The following TG variants were observed in gnomAD, a reference collection of about 807,000 sequenced individuals.
TG encodes thyroglobulin, also known as thyroid hormones.
A neutral mutation model predicts 324.7 loss-of-function variants in TG; 270 were observed. That is an observed-to-expected ratio of 0.83 (90% CI 0.75 to 0.92). The LOEUF is 0.92. Among genes scored for constraint, TG ranks in the 40% least tolerant of loss-of-function variants. TG has a pLI of 0.00. For missense variants in TG, 3,591 were observed against 3,456.4 expected, an observed-to-expected ratio of 1.04 and a Z score of -0.98; for synonymous variants, 1,401 against 1,327.0, an observed-to-expected ratio of 1.06 and a Z score of -1.21.
intron 9 of TG, 26 bp downstream of exon 9, chr8:132,887,574 T>C (rs1815603353): frequency 6.2e-7 from 1 of 1,614,178 alleles, no homozygotes; most frequent in Non-Finnish European, 8.5e-7. Flanking sequence ...ATTCAATCTG[T>C]AGGTTCCCTG....
At chr8:133,062,036 T>A (rs1210614193) in intron 41 of TG, among the ~76,000 whole-genome samples, 1 of 152,234 alleles carries the variant, frequency 6.6e-6, no homozygotes, top group Non-Finnish European at 1.5e-5. Flanking sequence ...ATGACCAGGC[T>A]CGCAAAAGCT....
intron 8 of TG, among the ~76,000 whole-genome samples, chr8:132,885,177 G>GA: frequency 6.6e-6 from 1 of 151,288 alleles, no homozygotes; most frequent in East Asian, 2.0e-4. Flanking sequence ...ATTTTATGGA[G>GA]AAAAATGGAG....
At chr8:132,956,472 C>T (rs546457732) in intron 27 of TG, among the ~76,000 whole-genome samples, 4 of 152,110 alleles carry the variant, frequency 2.6e-5, no homozygotes, top group Non-Finnish European at 5.9e-5. Context: ...AGCTGGAGAG[C>T]TCAGGGAAGC....
chr8:132,942,914 CAG>C (rs1318888120), intron 26 of TG, among the ~76,000 whole-genome samples: 1 of 152,128 alleles, frequency 6.6e-6, no homozygotes, highest in Non-Finnish European at 1.5e-5. Flanking sequence ...GAGCTAGAGA[CAG>C]AGAGACCCCA....
At chr8:133,035,811 C>A (rs541271654) in intron 41 of TG, among the ~76,000 whole-genome samples, 2 of 152,264 alleles carry the variant, frequency 1.3e-5, no homozygotes, top group African/African-American at 4.8e-5. Context: ...TGTCAATAGA[C>A]AATACAATGC....
chr8:132,921,387 G>T (rs1821094568), intron 21 of TG, among the ~76,000 whole-genome samples: 1 of 152,194 alleles, frequency 6.6e-6, no homozygotes, highest in Non-Finnish European at 1.5e-5. Context: ...TCTTCCCTGA[G>T]CAGTGAAAGA....
intron 41 of TG, among the ~76,000 whole-genome samples, chr8:133,066,277 G>T (rs1384173193): frequency 7.3e-6 from 1 of 136,338 alleles, no homozygotes; most frequent in East Asian, 2.2e-4. Context: ...AGTGAGCTGA[G>T]ATCTCGCCAC....
At chr8:132,979,141 G>A (rs560703760) in intron 34 of TG, among the ~76,000 whole-genome samples, 1 of 152,164 alleles carries the variant, frequency 6.6e-6, no homozygotes, top group Non-Finnish European at 1.5e-5. Context: ...CTGAGGGGAG[G>A]AGGGGGTGGT....
At chr8:133,062,332 T>C (rs1277510392) in intron 41 of TG, among the ~76,000 whole-genome samples, 1 of 152,198 alleles carries the variant, frequency 6.6e-6, no homozygotes, top group Non-Finnish European at 1.5e-5. Context: ...AGGGCAGGGA[T>C]ACATTGGCCT....
At chr8:132,899,023 A>G (rs969871959) in intron 14 of TG, 113 bp downstream of exon 14, 1 of 967,742 alleles carries the variant, frequency 1.0e-6, no homozygotes, top group Non-Finnish European at 1.6e-6. Context: ...TGATGTTCTC[A>G]GCCTGGGTGT....
intron 43 of TG, among the ~76,000 whole-genome samples, chr8:133,113,077 T>A (rs571817242): frequency 4.6e-5 from 7 of 152,270 alleles, no homozygotes; most frequent in African/African-American, 1.7e-4. Flanking sequence ...CAAGTGAAAC[T>A]CGGGGGTTTG....
At chr8:133,059,342 G>A (rs925508735) in intron 41 of TG, 1 of 357,032 alleles carries the variant, frequency 2.8e-6, no homozygotes, top group Non-Finnish European at 5.6e-6. Context: ...GGAAATAAAG[G>A]TCAGGCCATT....
chr8:133,057,898 T>C (rs1473175583), intron 41 of TG, among the ~76,000 whole-genome samples: 1 of 152,186 alleles, frequency 6.6e-6, no homozygotes, highest in Non-Finnish European at 1.5e-5. Flanking sequence ...GTGTCCAGGC[T>C]GGCCTCTGGG....
intron 35 of TG, among the ~76,000 whole-genome samples, chr8:132,990,832 G>C (rs1438430352): frequency 6.6e-6 from 1 of 151,728 alleles, no homozygotes; most frequent in Non-Finnish European, 1.5e-5. Context: ...TGTAAACCCA[G>C]AGTCTCCCCG....
At position 132,913,182 on chromosome 8, in the gene TG, C is replaced by T. The variant is rs765157522; in HGVS notation, c.4295C>T (p.Thr1432Ile). Residue 1432 changes from threonine (T) to isoleucine (I), a missense_variant, in exon 20 of 48, where the codon ACC (threonine) becomes ATC (isoleucine). Coordinates refer to ENST00000220616, the MANE Select transcript of TG (RefSeq NM_003235.5). ...IRFLQGDHFGTSPRTWFGCSE... is the reference protein window; with the variant it reads ...IRFLQGDHFGISPRTWFGCSE... ...TTCCTCCAAGGGGACCACTTTGGCA[C>T]CTCTCCCAGGACATGGTTTGGGTGC... 1.2e-5 allele frequency: 20 copies of T among 1,614,042 alleles called. No homozygotes were observed. The highest frequency in any genetic ancestry group is 4.0e-5 in the African/African-American group (3 of 74,914).
intron 43 of TG, among the ~76,000 whole-genome samples, chr8:133,111,238 G>A (rs1250189434): frequency 6.6e-6 from 1 of 152,116 alleles, no homozygotes; most frequent in South Asian, 2.1e-4. Context: ...TCTCTTACCA[G>A]CAGTAAGACC....
chr8:133,050,310 T>C (rs1052084914), intron 41 of TG: 2 of 379,790 alleles, frequency 5.3e-6, no homozygotes, highest in Admixed American at 3.8e-5. Context: ...TGATTTATGC[T>C]CTGCAGTATA....
intron 16 of TG, among the ~76,000 whole-genome samples, chr8:132,906,283 G>A (rs853320): frequency 0.48 from 73,514 of 151,870 alleles, 21,107 homozygotes; most frequent in Non-Finnish European, 0.62. Flanking sequence ...TGGGATGGCT[G>A]GGTGGCTGGT....
chr8:133,104,381 G>C (rs953022332), intron 43 of TG, among the ~76,000 whole-genome samples: 1 of 152,222 alleles, frequency 6.6e-6, no homozygotes, highest in Non-Finnish European at 1.5e-5. Context: ...TGACTAAGGA[G>C]ATGTGTGACC....
Sources: allele counts gnomAD v4.1 joint callset (sites outside exome capture counted in the v4.1 genomes callset), GRCh38; gene constraint gnomAD v4.1.1; transcripts MANE v1.5; gene names NCBI Gene and HGNC (gene_info 2026-07-23, HGNC 2026-07-21).